The following TTC8 variants were observed in gnomAD, a reference collection of about 807,000 sequenced individuals.
TTC8 encodes tetratricopeptide repeat domain 8, also known as tetratricopeptide repeat protein 8.
A neutral mutation model predicts 72.5 loss-of-function variants in TTC8; 47 were observed. That is an observed-to-expected ratio of 0.65 (90% CI 0.51 to 0.83). TTC8 has a LOEUF of 0.83. Ranked by LOEUF, TTC8 falls within the 40% of genes least tolerant of loss-of-function variation. The probability of loss-of-function intolerance (pLI) is 0.00; values close to 1 mark genes in which losing one functional copy is unlikely to be tolerated. For missense variants in TTC8, 611 were observed against 623.2 expected, an observed-to-expected ratio of 0.98 and a Z score of 0.21; for synonymous variants, 199 against 221.4, an observed-to-expected ratio of 0.90 and a Z score of 0.90.
chr14:88,825,743 A>T (rs914495592), intron 1 of TTC8, among the ~76,000 whole-genome samples: 1 of 152,178 alleles, frequency 6.6e-6, no homozygotes, highest in Non-Finnish European at 1.5e-5. Flanking sequence ...GAAGGGAGTT[A>T]CAAAAGCGGA....
Position 88,877,709 on chromosome 14 carries a change from G to A in TTC8, c.*299G>A, listed in dbSNP as rs755597464. ...TATAATGTTTACAAAACATTTTGGT[G>A]AATTTCCTCAATGTTTTATAAATGT... On this transcript the variant is annotated 3_prime_UTR_variant, in exon 15 of 15. Coordinates refer to ENST00000380656, the MANE Select transcript of TTC8 (RefSeq NM_144596.4). 1.0e-4 allele frequency: 21 copies of A among 210,582 alleles called. No homozygotes were observed. Among genetic ancestry groups the A allele is most frequent in the Admixed American group, 1.6e-4 (3 of 18,640 alleles). 13.0% of individuals were successfully genotyped at this position (210,582 alleles called of 1,614,324 possible).
At chr14:88,863,015 A>G (rs1166305870) in intron 10 of TTC8, among the ~76,000 whole-genome samples, 2 of 145,006 alleles carry the variant, frequency 1.4e-5, no homozygotes, top group African/African-American at 5.0e-5. Flanking sequence ...TGGCCTATCA[A>G]GAGCCATAAA....
At position 88,872,469 on chromosome 14, in the gene TTC8, C is replaced by T. The variant is rs371494539; in HGVS notation, c.1347+17C>T. ...GTTGAACAGGTCAGTGAACTGGCAG[C>T]GGCATGCTGGGCAGTCTGCTTTCTT... On this transcript the variant is annotated intron_variant, in intron 13 of 14. Transcript: ENST00000380656. 17 of 1,612,696 alleles carry T rather than the reference C, an allele frequency of 1.1e-5. No homozygotes were observed. Among genetic ancestry groups the T allele is most frequent in the Non-Finnish European group, 1.4e-5 (17 of 1,179,378 alleles).
chr14:88,863,593 G>A (rs1024251444), intron 10 of TTC8, among the ~76,000 whole-genome samples: 1 of 152,202 alleles, frequency 6.6e-6, no homozygotes, highest in Non-Finnish European at 1.5e-5. Flanking sequence ...ACGCAAACAG[G>A]TTAGGTGTAG....
chr14:88,875,044 A>G lies in TTC8; in HGVS notation c.1366A>G (p.Thr456Ala). 6.2e-7 allele frequency: 1 copy of G among 1,612,674 alleles called. No individual in the cohort carries two copies. Among genetic ancestry groups the G allele is most frequent in the South Asian group, 1.1e-5 (1 of 91,026 alleles). ...HVEQARALLQTASSLAPHMYE... is the reference protein window; with the variant it reads ...HVEQARALLQAASSLAPHMYE... Reference sequence around the variant, plus strand: ...TACACAGGCAAGGGCACTATTACAAACTGCATCATCATTAGCACCCCATAT... The same window carrying G: ...TACACAGGCAAGGGCACTATTACAAGCTGCATCATCATTAGCACCCCATAT... The change falls in exon 14 of 15, where the codon ACT (threonine) becomes GCT (alanine). Residue 456 changes from threonine (T) to alanine (A), a missense_variant. Thr to Ala is a moderately conservative substitution (Grantham distance 58). Coordinates refer to ENST00000380656, the MANE Select transcript of TTC8 (RefSeq NM_144596.4).
intron 11 of TTC8, among the ~76,000 whole-genome samples, chr14:88,870,672 T>G (rs2094929924): frequency 1.3e-5 from 2 of 152,344 alleles, no homozygotes; most frequent in African/African-American, 4.8e-5. Context: ...TCAGTCTAAA[T>G]AAATTATATT....
chr14:88,872,351 GC>G lies in TTC8; in HGVS notation c.1249del (p.His417IlefsTer44). The G allele has an allele frequency of 6.2e-7, 1 of 1,613,780 alleles. No homozygotes were observed. The highest frequency in any genetic ancestry group is 8.5e-7 in the Non-Finnish European group (1 of 1,179,860). ...VAVGIGDTNL[A>X]HQCFRLALVN... ...GTAGGGAATAGGAGATACAAATTTG[GC>G]CCATCAGTGCTTCAGGCTGGCTCTG... On this transcript the variant is annotated frameshift_variant, in exon 13 of 15. Coordinates refer to ENST00000380656, the MANE Select transcript of TTC8 (RefSeq NM_144596.4). LOFTEE classifies it high-confidence loss of function.
At chr14:88,854,702 T>A (rs1216370577) in intron 8 of TTC8, among the ~76,000 whole-genome samples, 1 of 152,194 alleles carries the variant, frequency 6.6e-6, no homozygotes. Context: ...TTATATTTTT[T>A]AGAGATGGGA....
chr14:88,867,902 A>G (rs948009711), intron 10 of TTC8, among the ~76,000 whole-genome samples: 1 of 152,210 alleles, frequency 6.6e-6, no homozygotes, highest in African/African-American at 2.4e-5. Context: ...AAGAATTTCA[A>G]ATATAAAGCA....
intron 1 of TTC8, among the ~76,000 whole-genome samples, chr14:88,829,350 G>A (rs987914899): frequency 3.3e-5 from 5 of 152,172 alleles, no homozygotes; most frequent in Admixed American, 1.3e-4. Context: ...AGTCCTCTCC[G>A]TACAGCACTG....
chr14:88,841,142 C>T lies in TTC8; in HGVS notation c.435C>T (p.Ala145=), dbSNP rs71425331. Reference sequence around the variant, plus strand: ...AGGCTATCAGAACACCCAGAACCGCCTACACAGCCCGCCCTATCACCAGCT... The same window carrying T: ...AGGCTATCAGAACACCCAGAACCGCTTACACAGCCCGCCCTATCACCAGCT... ...MEQAIRTPRT[A]YTARPITSSS... Residue 145 remains alanine, a synonymous_variant, in exon 5 of 15, where the codon GCC becomes GCT. Transcript: ENST00000380656. 6.2e-7 allele frequency: 1 copy of T among 1,614,136 alleles called. No homozygotes were observed. Among genetic ancestry groups the T allele is most frequent in the South Asian group, 1.1e-5 (1 of 91,084 alleles).
chr14:88,872,527 A>C (rs2094939074), intron 13 of TTC8, 75 bp downstream of exon 13: 1 of 1,594,358 alleles, frequency 6.3e-7, no homozygotes, highest in Non-Finnish European at 8.6e-7. Flanking sequence ...GTAGCATTAC[A>C]GCGTATGTTA....
At chr14:88,874,577 T>C (rs1257503166) in intron 13 of TTC8, among the ~76,000 whole-genome samples, 1 of 152,164 alleles carries the variant, frequency 6.6e-6, no homozygotes, top group East Asian at 1.9e-4. Flanking sequence ...GGCTTTGAAA[T>C]TTACAATGGT....
chr14:88,872,398 C>T lies in TTC8; in HGVS notation c.1293C>T (p.Ala431=), dbSNP rs757305114. The T allele has an allele frequency of 4.3e-6, 7 of 1,614,044 alleles. No individual in the cohort carries two copies. The highest frequency in any genetic ancestry group is 1.1e-5 in the South Asian group (1 of 91,074). The change falls in exon 13 of 15, where the codon GCC becomes GCT. Residue 431 remains alanine (A), a synonymous_variant. Transcript: ENST00000380656. ...CTCTGGTCAACAACAACAACCACGCCGAGGCCTACAACAACCTGGCTGTGC... is the reference window on the plus strand; with the variant it reads ...CTCTGGTCAACAACAACAACCACGCTGAGGCCTACAACAACCTGGCTGTGC... ...RLALVNNNNH[A]EAYNNLAVLE...
At chr14:88,867,899 T>C (rs2094918168) in intron 10 of TTC8, among the ~76,000 whole-genome samples, 1 of 152,180 alleles carries the variant, frequency 6.6e-6, no homozygotes, top group Non-Finnish European at 1.5e-5. Flanking sequence ...AAAAAGAATT[T>C]CAAATATAAA....
In TTC8 at chr14:88,874,153, A is replaced by G. The variant is rs979498998; in HGVS notation, c.1348-873A>G. ...TCCTCTTACTTACTGTAGTTTCTCT[A>G]GCATGCAATTGACTTGAAATGTTTT... On this transcript the variant is annotated intron_variant, in intron 13 of 14. Transcript: ENST00000380656. Among the ~76,000 whole-genome samples, 122 of 152,298 alleles carry G rather than the reference A, an allele frequency of 8.0e-4. 1 individual carries two copies. Among genetic ancestry groups the G allele is most frequent in the Non-Finnish European group, 9.3e-4 (63 of 68,034 alleles).
At chr14:88,866,731 A>G (rs946954623) in intron 10 of TTC8, among the ~76,000 whole-genome samples, 19 of 152,174 alleles carry the variant, frequency 1.2e-4, no homozygotes, top group African/African-American at 4.6e-4. Context: ...ACTATGGTCA[A>G]CATCAACACG....
At chr14:88,853,381 TG>T (rs748354186) in intron 8 of TTC8, among the ~76,000 whole-genome samples, 11 of 152,216 alleles carry the variant, frequency 7.2e-5, no homozygotes, top group Non-Finnish European at 1.3e-4. Context: ...GAACCAAGTC[TG>T]CTGATTTCTA....
chr14:88,860,308 A>G (rs1237566011), intron 9 of TTC8, among the ~76,000 whole-genome samples: 1 of 152,114 alleles, frequency 6.6e-6, no homozygotes, highest in African/African-American at 2.4e-5. Flanking sequence ...AAAATCATGG[A>G]AAAAAAGTGT....
Sources: gnomAD v4.1 joint callset for allele counts (sites outside exome capture counted in the v4.1 genomes callset) on GRCh38, gnomAD v4.1.1 for gene constraint, MANE v1.5 for transcripts, NCBI Gene and HGNC (gene_info 2026-07-23, HGNC 2026-07-21) for gene names.